Variants in MRPS28 observed in about 807,000 individuals in gnomAD.
MRPS28 encodes the protein small ribosomal subunit protein bS1m.
A neutral mutation model predicts 10.8 loss-of-function variants in MRPS28; 7 were observed. The ratio of observed to expected loss-of-function variants is 0.65; its 90% CI spans 0.37 to 1.22. MRPS28 has a LOEUF of 1.22. Among genes scored for constraint, MRPS28 ranks in the 50% most tolerant of loss-of-function variants. The probability of loss-of-function intolerance (pLI) is 0.02; values close to 1 mark genes in which losing one functional copy is unlikely to be tolerated. For missense variants in MRPS28, 265 were observed against 232.9 expected (o/e 1.14, Z -0.90); for synonymous variants, 121 against 93.3 (o/e 1.30, Z -1.71).
At chr8:80,015,050 G>A (rs1809159565) in intron 1 of MRPS28, among the ~76,000 whole-genome samples, 4 of 152,178 alleles carry the variant, frequency 2.6e-5, no homozygotes. Context: ...TGTAACTGGT[G>A]AATTGGTGGA....
intron 2 of MRPS28, among the ~76,000 whole-genome samples, chr8:79,983,300 T>C (rs920058801): frequency 4.0e-5 from 6 of 151,586 alleles, no homozygotes; most frequent in Admixed American, 6.6e-5. Flanking sequence ...AGACCAAAAG[T>C]AGATAAAACC....
chr8:79,938,575 T>A (rs774929084), intron 2 of MRPS28, among the ~76,000 whole-genome samples: 6 of 152,052 alleles, frequency 3.9e-5, no homozygotes, highest in African/African-American at 7.2e-5. Flanking sequence ...TGCCACCAGA[T>A]TAAAAAACAA....
At chr8:80,002,089 C>A (rs1012214191) in intron 2 of MRPS28, among the ~76,000 whole-genome samples, 4 of 152,008 alleles carry the variant, frequency 2.6e-5, no homozygotes, top group African/African-American at 9.7e-5. Flanking sequence ...TTGGGTAAGA[C>A]CAATTATCAA....
rs567659324 is a variant in MRPS28, at chr8:79,945,039, T to C, written c.396-25891A>G. ...AACACAAAACTTCAAATTCAACATA[T>C]GACTATTATTATCAAGAGGCATTTT... On this transcript the variant is annotated intron_variant, in intron 2 of 2. Coordinates refer to ENST00000276585, the MANE Select transcript of MRPS28 (RefSeq NM_014018.3). 1.8e-4 allele frequency among the ~76,000 whole-genome samples: 27 copies of C among 152,212 alleles called. No homozygotes were observed. The East Asian group carries it at 2.3e-3, about 13-fold the overall frequency.
intron 1 of MRPS28, among the ~76,000 whole-genome samples, chr8:80,004,196 G>C (rs1463365223): frequency 6.6e-6 from 1 of 152,176 alleles, no homozygotes; most frequent in Non-Finnish European, 1.5e-5. Flanking sequence ...TCCTCAAGTG[G>C]GTCCCTGACC....
intron 2 of MRPS28, among the ~76,000 whole-genome samples, chr8:79,963,782 T>G (rs1484867610): frequency 6.6e-6 from 1 of 152,010 alleles, no homozygotes; most frequent in Non-Finnish European, 1.5e-5. Context: ...CACAGCTCAG[T>G]GGGGGCTAAA....
At chr8:79,949,973 G>A (rs1807039404) in intron 2 of MRPS28, among the ~76,000 whole-genome samples, 1 of 151,950 alleles carries the variant, frequency 6.6e-6, no homozygotes, top group Non-Finnish European at 1.5e-5. Context: ...TATTTGTATT[G>A]CATTGTTAGT....
At chr8:79,971,272 CAGAA>C (rs1377048458) in intron 2 of MRPS28, among the ~76,000 whole-genome samples, 1 of 152,122 alleles carries the variant, frequency 6.6e-6, no homozygotes, top group Non-Finnish European at 1.5e-5. Context: ...CCAAACAGAA[CAGAA>C]AGAAAGAACT....
At chr8:79,956,601 A>G (rs781351918) in intron 2 of MRPS28, 10 of 152,188 alleles carry the variant, frequency 6.6e-5, no homozygotes, top group South Asian at 2.1e-4. Flanking sequence ...CCAGGACCCA[A>G]TGGTTATTTT....
chr8:79,936,215 C>T (rs193196683), intron 2 of MRPS28, among the ~76,000 whole-genome samples: 4 of 151,724 alleles, frequency 2.6e-5, no homozygotes, highest in Admixed American at 1.3e-4. Context: ...GCAGTCCCAG[C>T]TACTTGTGAG....
chr8:80,008,177 A>C, intron 1 of MRPS28, among the ~76,000 whole-genome samples: 1 of 152,220 alleles, frequency 6.6e-6, no homozygotes, highest in Non-Finnish European at 1.5e-5. Context: ...TGGGGAAAGG[A>C]TTCCCTATTT....
At chr8:79,950,818 G>A (rs1449473976) in intron 2 of MRPS28, among the ~76,000 whole-genome samples, 4 of 152,184 alleles carry the variant, frequency 2.6e-5, no homozygotes, top group Non-Finnish European at 2.9e-5. Flanking sequence ...AGTCAGATGT[G>A]AAGTCAGTCA....
chr8:79,984,235 G>C (rs1808074895), intron 2 of MRPS28, among the ~76,000 whole-genome samples: 1 of 152,192 alleles, frequency 6.6e-6, no homozygotes, highest in African/African-American at 2.4e-5. Flanking sequence ...GAGAGATTTT[G>C]TCACCACCAG....
chr8:79,937,712 C>A lies in MRPS28; in HGVS notation c.396-18564G>T, dbSNP rs528128588. Among the ~76,000 whole-genome samples the A allele has an allele frequency of 2.0e-5, 3 of 152,272 alleles. No homozygotes were observed. The East Asian group carries it at 5.8e-4, about 29-fold the overall frequency. On this transcript the variant is annotated intron_variant, in intron 2 of 2. Transcript: ENST00000276585. ...CCTTTCATAGTTTGATACTACCTTA[C>A]ACCACCAAACTGGATTAGTAAGGAA...
intron 2 of MRPS28, among the ~76,000 whole-genome samples, chr8:79,976,330 G>C (rs985835955): frequency 6.6e-6 from 1 of 152,132 alleles, no homozygotes; most frequent in Non-Finnish European, 1.5e-5. Flanking sequence ...TGATCTGCCT[G>C]CCTCGGCCTC....
At chr8:79,974,796 G>T (rs935545135) in intron 2 of MRPS28, among the ~76,000 whole-genome samples, 2 of 152,040 alleles carry the variant, frequency 1.3e-5, no homozygotes, top group African/African-American at 4.8e-5. Context: ...TACATCCTAA[G>T]TGTCACCTGG....
intron 1 of MRPS28, among the ~76,000 whole-genome samples, chr8:80,024,399 C>T (rs921154790): frequency 6.6e-6 from 1 of 152,150 alleles, no homozygotes; most frequent in East Asian, 1.9e-4. Context: ...TGGCATTACA[C>T]TTAATGCCAT....
chr8:79,968,065 C>G (rs1188222666), intron 2 of MRPS28, among the ~76,000 whole-genome samples: 1 of 152,048 alleles, frequency 6.6e-6, no homozygotes, highest in African/African-American at 2.4e-5. Flanking sequence ...TGCTTATTTA[C>G]TTATCAATTC....
intron 2 of MRPS28, among the ~76,000 whole-genome samples, chr8:79,989,406 CAT>C (rs999338865): frequency 6.6e-6 from 1 of 151,990 alleles, no homozygotes; most frequent in Non-Finnish European, 1.5e-5. Context: ...CTTCTAAGGA[CAT>C]AGAAGCAAAG....
Sources: allele counts gnomAD v4.1 joint callset (sites outside exome capture counted in the v4.1 genomes callset), GRCh38; gene constraint gnomAD v4.1.1; transcripts MANE v1.5; gene names NCBI Gene and HGNC (gene_info 2026-07-23, HGNC 2026-07-21).